TLR5: variants seen among roughly 807,000 people sequenced by gnomAD.
The protein encoded by TLR5 is toll-like receptor 5.
For synonymous variants in TLR5, 373 were observed against 384.4 expected (o/e 0.97, Z 0.35); for missense variants, 944 against 999.8 (o/e 0.94, Z 0.75).
Position 223,134,754 on chromosome 1 carries a change from G to A in TLR5, c.-242C>T, listed in dbSNP as rs1306068616. 6.8e-6 allele frequency: 1 copy of A among 146,470 alleles called. No individual in the cohort carries two copies. Among genetic ancestry groups the A allele is most frequent in the Non-Finnish European group, 1.5e-5 (1 of 67,222 alleles). The allele number at this position is 146,470 out of a possible 1,614,324, so 9.1% of individuals were successfully genotyped here. ...CATCTGAGGCTCCGACATCTTCCCT[G>A]GATGCTAAATCCTGTGTATTGATGG... is the stretch of plus-strand genomic sequence containing the variant. On this transcript the variant is annotated 5_prime_UTR_variant, in exon 4 of 6. Transcript: ENST00000642603.
rs2102865059 is a variant in TLR5, at chr1:223,112,394, G to A, written c.638C>T (p.Ser213Leu). The change falls in exon 6 of 6, where the codon TCA (serine) becomes TTA (leucine). Residue 213 changes from serine (S) to leucine (L), a missense_variant. Ser to Leu is a moderately radical substitution (Grantham distance 145). Coordinates refer to ENST00000642603, the MANE Select transcript of TLR5 (RefSeq NM_003268.6). ...GTTCATACATTTTCCCCAGTCCACT[G>A]AGACTCTGCTATACAAGCTATTAGC... ...LAANSLYSRV[S>L]VDWGKCMNPF... 3.1e-6 allele frequency: 5 copies of A among 1,614,238 alleles called. No individual in the cohort carries two copies. The African/African-American group carries it at 4.0e-5, about 13-fold the overall frequency.
intron 4 of TLR5, among the ~76,000 whole-genome samples, chr1:223,134,002 A>T (rs924025552): frequency 4.6e-5 from 7 of 152,238 alleles, no homozygotes; most frequent in African/African-American, 1.7e-4. Flanking sequence ...TTTCAATGAC[A>T]ACTAAATTTG....
Position 223,112,522 on chromosome 1 carries a change from A to G in TLR5, c.510T>C (p.Asn170=). Reference sequence around the variant, plus strand: ...AGGAAAAATCTATGGACTTTAAGGAATTCAACTTCCCAAATGAAGGATGAA... The same window carrying G: ...AGGAAAAATCTATGGACTTTAAGGAGTTCAACTTCCCAAATGAAGGATGAA... ...LYLHPSFGKL[N]SLKSIDFSSN... Residue 170 remains asparagine (N), a synonymous_variant, in exon 6 of 6, where the codon AAT becomes AAC. Transcript: ENST00000642603. 6.2e-7 allele frequency: 1 copy of G among 1,614,274 alleles called. No individual in the cohort carries two copies. The highest frequency in any genetic ancestry group is 8.5e-7 in the Non-Finnish European group (1 of 1,180,044).
rs781755617 is a variant in TLR5 at position 223,112,284 on chromosome 1, T to C, written c.748A>G (p.Ile250Val). 5 of 1,614,118 alleles carry C rather than the reference T, an allele frequency of 3.1e-6. No homozygotes were observed. The highest frequency in any genetic ancestry group is 1.1e-5 in the South Asian group (1 of 91,088). The change falls in exon 6 of 6, where the codon ATC becomes GTC. Residue 250 changes from isoleucine to valine, a missense_variant. Ile to Val is a conservative substitution (Grantham distance 29). Coordinates refer to ENST00000642603, the MANE Select transcript of TLR5 (RefSeq NM_003268.6). ...VDITGNFSNAISKSQAFSLIL... is the reference protein window; with the variant it reads ...VDITGNFSNAVSKSQAFSLIL... ...AAAGAGAAGGCCTGGCTTTTGCTGA[T>C]GGCATTGCTAAAGTTTCCTGTGATG...
chr1:223,142,182 T>C (rs943538779), intron 1 of TLR5, among the ~76,000 whole-genome samples: 2 of 152,164 alleles, frequency 1.3e-5, no homozygotes, highest in African/African-American at 2.4e-5. Context: ...TGCAAGAGCC[T>C]GACTGCTCCT....
At chr1:223,124,438 C>T (rs1053376633) in intron 5 of TLR5, among the ~76,000 whole-genome samples, 7 of 110,994 alleles carry the variant, frequency 6.3e-5, no homozygotes, top group African/African-American at 2.7e-4. Context: ...AGCAAGACTC[C>T]GTCTAAAACA....
chr1:223,139,072 C>T (rs895888770), intron 2 of TLR5, among the ~76,000 whole-genome samples: 3 of 152,244 alleles, frequency 2.0e-5, no homozygotes, highest in African/African-American at 7.2e-5. Flanking sequence ...CCTCCCCAAC[C>T]ATGTGGAACT....
At position 223,112,725 on chromosome 1, in the gene TLR5, C is replaced by T. The variant is rs1205832372; in HGVS notation, c.307G>A (p.Gly103Arg). The T allele has an allele frequency of 1.9e-6, 3 of 1,614,064 alleles. No homozygotes were observed. Among genetic ancestry groups the T allele is most frequent in the Admixed American group, 1.7e-5 (1 of 60,006 alleles). ...TGCAAGAAGTATATCTTACTACTTCCCAGGTCCAAGATTCTAAGGTTGGGC... is the reference window on the plus strand; with the variant it reads ...TGCAAGAAGTATATCTTACTACTTCTCAGGTCCAAGATTCTAAGGTTGGGC... ...NLPNLRILDL[G>R]SSKIYFLHPD... The change falls in exon 6 of 6, where the codon GGA becomes AGA. Residue 103 changes from glycine to arginine, a missense_variant. Gly to Arg is a moderately radical substitution (Grantham distance 125). Transcript: ENST00000642603.
intron 5 of TLR5, among the ~76,000 whole-genome samples, chr1:223,130,566 C>T (rs1571757536): frequency 1.3e-5 from 2 of 152,172 alleles, no homozygotes; most frequent in Admixed American, 1.3e-4. Flanking sequence ...AGAACAGCCC[C>T]ACGTCACTTG....
chr1:223,111,656 C>G lies in TLR5; in HGVS notation c.1376G>C (p.Arg459Pro). The G allele has an allele frequency of 6.2e-7, 1 of 1,613,982 alleles. No homozygotes were observed. Among genetic ancestry groups the G allele is most frequent in the Non-Finnish European group, 8.5e-7 (1 of 1,180,010 alleles). ...HLQILILNQN[R>P]FSSCSGDQTP... ...TTGATCTCCACTACAGGAGGAGAAG[C>G]GATTTTGATTTAAAATGAGAATCTG... The change falls in exon 6 of 6, where the codon CGC becomes CCC. Residue 459 changes from arginine to proline, a missense_variant. Arg to Pro is a moderately radical substitution (Grantham distance 103). Coordinates refer to ENST00000642603, the MANE Select transcript of TLR5 (RefSeq NM_003268.6).
At position 223,110,927 on chromosome 1, in the gene TLR5, TTGC is replaced by T; in HGVS notation, c.2102_2104del (p.Ser701del). ...AGCATTCTGCACCCATGTGAAGTCT[TTGC>T]TGCTGAAGCACAAATAGGCATCATA... On this transcript the variant is annotated inframe_deletion, in exon 6 of 6. Coordinates refer to ENST00000642603, the MANE Select transcript of TLR5 (RefSeq NM_003268.6). The T allele has an allele frequency of 3.1e-6, 5 of 1,614,238 alleles. No individual in the cohort carries two copies. The highest frequency in any genetic ancestry group is 4.2e-6 in the Non-Finnish European group (5 of 1,180,048).
intron 5 of TLR5, chr1:223,127,339 T>C (rs536193180): frequency 2.6e-5 from 4 of 152,284 alleles, no homozygotes; most frequent in South Asian, 4.1e-4. Flanking sequence ...CACTAATGCA[T>C]TTCCAAATGG....
chr1:223,111,108 G>T lies in TLR5; in HGVS notation c.1924C>A (p.Leu642Ile), dbSNP rs1472039259. The change falls in exon 6 of 6, where the codon CTT becomes ATT. Residue 642 changes from leucine (L) to isoleucine (I), a missense_variant. Leu to Ile is a conservative substitution (Grantham distance 5). Coordinates refer to ENST00000642603, the MANE Select transcript of TLR5 (RefSeq NM_003268.6). ...AGAGTGACAGTGCATACAATGAAAA[G>T]GGAGAACTTTAGGGACTTTAAGACT... Reference protein sequence around the residue: ...EEVLKSLKFSLFIVCTVTLTL... With the variant: ...EEVLKSLKFSIFIVCTVTLTL... 4 of 1,614,054 alleles carry T rather than the reference G, an allele frequency of 2.5e-6. No homozygotes were observed. In the African/African-American group the frequency reaches 5.3e-5, roughly 22 times the overall value.
chr1:223,136,018 T>C (rs5744141), intron 3 of TLR5, among the ~76,000 whole-genome samples: 30 of 152,284 alleles, frequency 2.0e-4, no homozygotes, highest in African/African-American at 7.0e-4. Flanking sequence ...GTCAGAACCC[T>C]ACCAGGAATA....
chr1:223,141,816 T>TAGAGAG (rs1657873748), intron 1 of TLR5, 53 bp from the exon 2 acceptor site: 4 of 43,536 alleles, frequency 9.2e-5, no homozygotes, highest in African/African-American at 2.9e-4. Context: ...TATATATATA[T>TAGAGAG]ATATATAGAG....
At chr1:223,124,834 C>T (rs1017377691) in intron 5 of TLR5, among the ~76,000 whole-genome samples, 134 of 151,996 alleles carry the variant, frequency 8.8e-4, no homozygotes, top group African/African-American at 3.1e-3. Flanking sequence ...GATCTTCTGA[C>T]CTCAGGTGAT....
At chr1:223,135,513 G>C (rs572970623) in intron 3 of TLR5, among the ~76,000 whole-genome samples, 1 of 152,142 alleles carries the variant, frequency 6.6e-6, no homozygotes, top group Non-Finnish European at 1.5e-5. Context: ...GATAAATATC[G>C]GTTCTAGTCC....
rs777586455 is a variant in TLR5, at chr1:223,112,922, T to C, written c.110A>G (p.Asn37Ser). The C allele has an allele frequency of 4.3e-6, 7 of 1,613,934 alleles. No individual in the cohort carries two copies. Among genetic ancestry groups the C allele is most frequent in the East Asian group, 2.2e-5 (1 of 44,876 alleles). Residue 37 changes from asparagine to serine, a missense_variant, in exon 6 of 6, where the codon AAC (asparagine) becomes AGC (serine). Coordinates refer to ENST00000642603, the MANE Select transcript of TLR5 (RefSeq NM_003268.6). ...DGRIAFYRFC[N>S]LTQVPQVLNT... is the part of the protein sequence containing the mutation. ...GAGGACCTGGGGGACCTGGGTGAGG[T>C]TGCAGAAACGATAAAAGGCTATTCG...
intron 1 of TLR5, 21 bp from the exon 2 acceptor site, chr1:223,141,784 C>CATATATATATAT (rs142700046): frequency 5.3e-5 from 4 of 74,962 alleles, no homozygotes; most frequent in Non-Finnish European, 7.5e-5. Context: ...AAAAAAATTA[C>CATATATATATAT]ATATATATAT....
Sources: allele counts gnomAD v4.1 joint callset (sites outside exome capture counted in the v4.1 genomes callset), GRCh38; gene constraint gnomAD v4.1.1; transcripts MANE v1.5; gene names NCBI Gene and HGNC (gene_info 2026-07-23, HGNC 2026-07-21).